Variants in MYBPC2 observed in about 807,000 individuals in gnomAD.
The protein encoded by MYBPC2 is myosin-binding protein C, fast-type.
Under a neutral mutation model 137.0 loss-of-function variants are expected in MYBPC2, and 122 were observed. The ratio of observed to expected loss-of-function variants is 0.89; its 90% CI spans 0.77 to 1.03. The LOEUF (loss-of-function observed/expected upper bound fraction) is 1.03. MYBPC2 is among the 50% of genes least tolerant of loss of function. The pLI is 0.00. For synonymous variants in MYBPC2, 626 were observed against 612.3 expected, an observed-to-expected ratio of 1.02 and a Z score of -0.33; for missense variants, 1,500 against 1,534.4, an observed-to-expected ratio of 0.98 and a Z score of 0.37.
intron 4 of MYBPC2, 142 bp from the exon 5 acceptor site, chr19:50,436,475 C>G (rs919215295): frequency 2.0e-5 from 16 of 792,050 alleles, no homozygotes; most frequent in Non-Finnish European, 3.0e-5. Flanking sequence ...CCACCAGGTG[C>G]TGAGACCCCT....
In MYBPC2 at chr19:50,455,652, AC is replaced by A. The variant is rs764132020; in HGVS notation, c.2338+11del. 3.1e-6 allele frequency: 5 copies of A among 1,612,998 alleles called. No individual in the cohort carries two copies. In the East Asian group the frequency reaches 1.1e-4, roughly 36 times the overall value. On this transcript the variant is annotated intron_variant, in intron 20 of 27. Transcript: ENST00000357701. The stretch of plus-strand genomic sequence containing the variant: ...AGTACTGCCTGGAAGGCTGTGAGTG[AC>A]CCTGGCAGGGCTGGTGGGGGTGGTG...
Position 50,440,865 on chromosome 19 carries a change from T to A in MYBPC2, c.573-15T>A. ...TCACTCCCTGATGGCCCCTGTCCGT[T>A]CCCCCACCCGCCAGGGAGGTGGTGG... On this transcript the variant is annotated splice_polypyrimidine_tract_variant and intron_variant, in intron 7 of 27. Transcript: ENST00000357701. The A allele has an allele frequency of 6.2e-7, 1 of 1,606,238 alleles. No homozygotes were observed. Among genetic ancestry groups the A allele is most frequent in the Non-Finnish European group, 8.5e-7 (1 of 1,176,258 alleles).
rs199837060 is a variant in MYBPC2 at position 50,461,977 on chromosome 19, C to G, written c.3169C>G (p.Arg1057Gly). 4 of 1,580,392 alleles carry G rather than the reference C, an allele frequency of 2.5e-6. No homozygotes were observed. In the African/African-American group the frequency reaches 4.0e-5, roughly 16 times the overall value. The stretch of plus-strand genomic sequence containing the variant: ...CAAGTTCCTGACACCTCTCATAGAC[C>G]GCGTGGTCGTGGCTGGGTACTCGGC... The part of the protein sequence containing the change: ...APKFLTPLID[R>G]VVVAGYSAAL... Residue 1057 changes from arginine to glycine, a missense_variant, in exon 26 of 28, where the codon CGC (arginine) becomes GGC (glycine). Coordinates refer to ENST00000357701, the MANE Select transcript of MYBPC2 (RefSeq NM_004533.4).
At chr19:50,455,389 A>G in intron 19 of MYBPC2, 93 bp downstream of exon 19, 1 of 1,559,684 alleles carries the variant, frequency 6.4e-7, no homozygotes, top group Non-Finnish European at 8.7e-7. Flanking sequence ...TTTGCCCGCC[A>G]TCAATCTCTG....
intron 23 of MYBPC2, 94 bp from the exon 24 acceptor site, chr19:50,459,946 G>C: frequency 6.7e-7 from 1 of 1,501,488 alleles, no homozygotes; most frequent in Non-Finnish European, 9.0e-7. Context: ...AGAGAGGTTA[G>C]AATCAGGAGG....
intron 16 of MYBPC2, among the ~76,000 whole-genome samples, chr19:50,453,405 T>G (rs2039878653): frequency 6.6e-6 from 1 of 152,226 alleles, no homozygotes; most frequent in African/African-American, 2.4e-5. Flanking sequence ...GAAGGCTTCC[T>G]GGAAGAGGTG....
In MYBPC2 at chr19:50,465,852, C is replaced by T. The variant is rs2040011106; in HGVS notation, c.3416-343C>T. On this transcript the variant is annotated intron_variant, in intron 27 of 27. Transcript: ENST00000357701. This position sits in a 1 kb window ranked among gnomAD's most constrained non-coding sequence, Gnocchi z 4.5. Reference sequence around the variant, plus strand: ...CAGAGTGAGACTCTGTCTCAAAAACCAAACAAAAACACCCCAGATCACTGC... The same window carrying T: ...CAGAGTGAGACTCTGTCTCAAAAACTAAACAAAAACACCCCAGATCACTGC... 6.6e-6 allele frequency among the ~76,000 whole-genome samples: 1 copy of T among 152,048 alleles called. No homozygotes were observed. The highest frequency in any genetic ancestry group is 2.4e-5 in the African/African-American group (1 of 41,394).
At chr19:50,436,276 G>GT in intron 4 of MYBPC2, 116 bp downstream of exon 4, 1 of 1,436,092 alleles carries the variant, frequency 7.0e-7, no homozygotes, top group Admixed American at 2.4e-5. Flanking sequence ...GGGATGGAGA[G>GT]TGGGCCCTCT....
At chr19:50,447,781 C>A (rs984409095) in intron 12 of MYBPC2, among the ~76,000 whole-genome samples, 1 of 151,886 alleles carries the variant, frequency 6.6e-6, no homozygotes, top group African/African-American at 2.4e-5. Context: ...CACTTGTACC[C>A]GGGGGGTGGA....
At position 50,464,123 on chromosome 19, in the gene MYBPC2, C is replaced by T. The variant is rs1286704579; in HGVS notation, c.3229-223C>T. The T allele has an allele frequency of 6.4e-6, 3 of 470,216 alleles. 1 individual carries two copies. In the South Asian group the frequency reaches 6.8e-5, roughly 11 times the overall value. The allele number at this position is 470,216 out of a possible 1,614,324, so 29.1% of individuals were successfully genotyped here. ...CCACTACAAACAGTGAGCTCTTTGT[C>T]CTGAGAGCAATGGGAAGACCCCACC... is the stretch of plus-strand genomic sequence containing the variant. On this transcript the variant is annotated intron_variant, in intron 26 of 27. Transcript: ENST00000357701.
At chr19:50,439,474 A>G (rs908386692) in intron 7 of MYBPC2, among the ~76,000 whole-genome samples, 2 of 151,814 alleles carry the variant, frequency 1.3e-5, no homozygotes, top group Admixed American at 6.6e-5. Flanking sequence ...AGCTCCATCC[A>G]TGCATTCACT....
At chr19:50,451,357 C>G (rs542813791) in intron 15 of MYBPC2, 48 bp downstream of exon 15, 4 of 1,522,728 alleles carry the variant, frequency 2.6e-6, no homozygotes, top group African/African-American at 1.4e-5. Context: ...GAGGAGGGAC[C>G]GGGCTGAGGG....
intron 12 of MYBPC2, 136 bp from the exon 13 acceptor site, chr19:50,448,089 C>A: frequency 9.4e-7 from 1 of 1,066,770 alleles, no homozygotes; most frequent in Non-Finnish European, 1.3e-6. Context: ...TTCCCGAGGC[C>A]AACGGGTTGT....
chr19:50,437,826 C>G, intron 7 of MYBPC2, 108 bp downstream of exon 7: 1 of 1,246,756 alleles, frequency 8.0e-7, no homozygotes, highest in Non-Finnish European at 1.1e-6. Context: ...GCTTATCCCT[C>G]TACCACCTCC....
chr19:50,445,693 C>T (rs553651899), intron 11 of MYBPC2, among the ~76,000 whole-genome samples, 187 bp from the exon 12 acceptor site: 38 of 151,906 alleles, frequency 2.5e-4, no homozygotes, highest in Non-Finnish European at 3.8e-4. Flanking sequence ...GTGCCTGGCC[C>T]TCTCTCTCCC....
intron 8 of MYBPC2, among the ~76,000 whole-genome samples, chr19:50,441,962 C>T (rs112884187): frequency 0.027 from 4,086 of 152,208 alleles, 159 homozygotes; most frequent in African/African-American, 0.093. Context: ...TGGGTGAAGC[C>T]GATAACCCTT....
rs749449514 is a variant in MYBPC2 at position 50,461,526 on chromosome 19, CCT to C, written c.2932-15_2932-14del. On this transcript the variant is annotated splice_polypyrimidine_tract_variant and intron_variant, in intron 24 of 27. Coordinates refer to ENST00000357701, the MANE Select transcript of MYBPC2 (RefSeq NM_004533.4). ...GTGGCCCCGACCCGCCTGGTCCCTC[CCT>C]GTCCCCACACTAGGAGTGGTTCAAC... 84 of 1,611,558 alleles carry C rather than the reference CCT, an allele frequency of 5.2e-5. No individual in the cohort carries two copies. The highest frequency in any genetic ancestry group is 4.9e-4 in the Middle Eastern group (3 of 6,084).
At chr19:50,453,892 G>C in intron 16 of MYBPC2, 128 bp from the exon 17 acceptor site, 1 of 1,081,706 alleles carries the variant, frequency 9.2e-7, no homozygotes, top group Non-Finnish European at 1.3e-6. Context: ...GAGGGCAGTG[G>C]AGCGAGTGAG....
At chr19:50,453,958 G>A (rs1478661535) in intron 16 of MYBPC2, 62 bp from the exon 17 acceptor site, 31 of 1,517,584 alleles carry the variant, frequency 2.0e-5, no homozygotes, top group Non-Finnish European at 2.7e-5. Context: ...GAATGGCAGA[G>A]GCAGGCCTGG....
Sources: allele counts gnomAD v4.1 joint callset (sites outside exome capture counted in the v4.1 genomes callset), GRCh38; gene constraint gnomAD v4.1.1; non-coding constraint Gnocchi (gnomAD v3.1); transcripts MANE v1.5; gene names NCBI Gene and HGNC (gene_info 2026-07-23, HGNC 2026-07-21).